The following SUMF1 variants were observed in gnomAD, a reference collection of about 807,000 sequenced individuals.
SUMF1 encodes the protein formylglycine-generating enzyme.
In SUMF1, 48 loss-of-function variants were observed where a neutral mutation model predicts 47.6. The observed-to-expected ratio is 1.01, with a 90% confidence interval of 0.80 to 1.28. The LOEUF (loss-of-function observed/expected upper bound fraction) is 1.28. Ranked by LOEUF, SUMF1 falls within the 50% of genes most tolerant of loss-of-function variation. The pLI is 0.00. For missense variants in SUMF1, 571 were observed against 485.4 expected (o/e 1.18, Z -1.66); for synonymous variants, 230 against 192.1 (o/e 1.20, Z -1.63).
chr3:4,409,334 C>A (rs545088766), intron 7 of SUMF1, among the ~76,000 whole-genome samples: 1 of 152,268 alleles, frequency 6.6e-6, no homozygotes, highest in East Asian at 1.9e-4. Flanking sequence ...AAAGAGAAAC[C>A]TAAAATGAGA....
intron 8 of SUMF1, among the ~76,000 whole-genome samples, chr3:4,291,424 C>T (rs1039595744): frequency 2.0e-5 from 3 of 152,118 alleles, no homozygotes; most frequent in African/African-American, 7.2e-5. Context: ...TCCATTTTTA[C>T]TCACTCTAAA....
intron 8 of SUMF1, among the ~76,000 whole-genome samples, chr3:4,119,054 C>A (rs143491031): frequency 6.6e-6 from 1 of 152,044 alleles, no homozygotes; most frequent in Non-Finnish European, 1.5e-5. Flanking sequence ...TTTTCCTCCA[C>A]TCCCCAAACC....
chr3:4,212,892 C>A (rs139738029), intron 8 of SUMF1, among the ~76,000 whole-genome samples: 4,090 of 152,174 alleles, frequency 0.027, 92 homozygotes, highest in Non-Finnish European at 0.044. Flanking sequence ...AACAAAGCCT[C>A]CAAGAAATAT....
At chr3:4,195,827 C>A (rs1323877784) in intron 8 of SUMF1, among the ~76,000 whole-genome samples, 1 of 151,680 alleles carries the variant, frequency 6.6e-6, no homozygotes, top group East Asian at 1.9e-4. Context: ...AAGAAATAAA[C>A]TAAGAATCCT....
At chr3:4,456,817 T>TATATATAC in intron 1 of SUMF1, among the ~76,000 whole-genome samples, 1 of 146,512 alleles carries the variant, frequency 6.8e-6, no homozygotes, top group African/African-American at 2.5e-5. Flanking sequence ...TATATACGTG[T>TATATATAC]GTGTGTATAT....
chr3:4,218,990 C>A (rs959864078), intron 8 of SUMF1, among the ~76,000 whole-genome samples: 11 of 152,102 alleles, frequency 7.2e-5, no homozygotes, highest in Non-Finnish European at 1.6e-4. Context: ...CCAAGCTACC[C>A]AAATCCACTG....
At chr3:4,233,418 T>C (rs1000472392) in intron 8 of SUMF1, among the ~76,000 whole-genome samples, 32 of 152,248 alleles carry the variant, frequency 2.1e-4, no homozygotes, top group African/African-American at 6.7e-4. Context: ...TCATTTTTAA[T>C]ATAAATTTCT....
chr3:4,084,681 T>A (rs1480974996), intron 8 of SUMF1, among the ~76,000 whole-genome samples: 1 of 152,144 alleles, frequency 6.6e-6, no homozygotes, highest in Non-Finnish European at 1.5e-5. Context: ...CTCTTGAGTT[T>A]ATTAGCAATA....
At chr3:4,172,701 T>G (rs201003267) in intron 8 of SUMF1, among the ~76,000 whole-genome samples, 5 of 148,918 alleles carry the variant, frequency 3.4e-5, no homozygotes, top group South Asian at 2.2e-4. Context: ...TTGTTTTTTT[T>G]GTTTTTTGGG....
rs889027677 is a variant in SUMF1, at chr3:4,124,684, T to C, written c.1015-55939A>G. On this transcript the variant is annotated intron_variant and NMD_transcript_variant, in intron 8 of 12. Coordinates refer to the SUMF1 transcript ENST00000448413. ...CACACATTTACTATTTGGAAGCTAA[T>C]GTTAATTATCTTTGGCTTTCATGAC... Among the ~76,000 whole-genome samples the C allele has an allele frequency of 3.2e-4, 48 of 152,114 alleles. 1 individual carries two copies. The highest frequency in any genetic ancestry group is 1.2e-3 in the African/African-American group (48 of 41,424).
At chr3:4,316,965 C>G in intron 8 of SUMF1, 1 of 1,549,444 alleles carries the variant, frequency 6.5e-7, no homozygotes, top group Non-Finnish European at 8.7e-7. Context: ...CAATGCCCGA[C>G]CGCATGTTGC....
intron 7 of SUMF1, among the ~76,000 whole-genome samples, chr3:4,394,896 C>A (rs1297751042): frequency 6.6e-6 from 1 of 152,176 alleles, no homozygotes; most frequent in Non-Finnish European, 1.5e-5. Flanking sequence ...AGCCTCTGCA[C>A]ATCTTCCTCC....
intron 8 of SUMF1, among the ~76,000 whole-genome samples, chr3:4,334,348 G>C (rs1266540905): frequency 6.6e-6 from 1 of 152,136 alleles, no homozygotes; most frequent in Admixed American, 6.6e-5. Context: ...ATCTTCCCCA[G>C]TGTTTCAACC....
At chr3:4,462,290 T>G (rs1178131636) in intron 1 of SUMF1, among the ~76,000 whole-genome samples, 1 of 152,186 alleles carries the variant, frequency 6.6e-6, no homozygotes, top group Non-Finnish European at 1.5e-5. Context: ...AGTTCATCTT[T>G]GAACTTTTGC....
At chr3:4,285,848 A>C (rs1012945825) in intron 8 of SUMF1, among the ~76,000 whole-genome samples, 5 of 152,146 alleles carry the variant, frequency 3.3e-5, no homozygotes, top group African/African-American at 1.2e-4. Flanking sequence ...ATGGATAAAC[A>C]CTATAATAGC....
chr3:4,221,615 T>C (rs1481560007), intron 8 of SUMF1, among the ~76,000 whole-genome samples: 1 of 152,092 alleles, frequency 6.6e-6, no homozygotes, highest in Admixed American at 6.6e-5. Flanking sequence ...CATTCACTCA[T>C]TCAGTTATTT....
chr3:4,451,996 T>C (rs1480617897), intron 2 of SUMF1, among the ~76,000 whole-genome samples: 2 of 152,168 alleles, frequency 1.3e-5, no homozygotes, highest in Non-Finnish European at 2.9e-5. Context: ...AAAAGGTTTC[T>C]AACCACTTTA....
intron 8 of SUMF1, among the ~76,000 whole-genome samples, chr3:4,100,694 T>C (rs1454109203): frequency 6.6e-6 from 1 of 151,624 alleles, no homozygotes; most frequent in Admixed American, 6.6e-5. Context: ...CTAAAAAAAA[T>C]GATTAATAGA....
intron 8 of SUMF1, among the ~76,000 whole-genome samples, chr3:4,262,883 G>A (rs1341385273): frequency 3.3e-5 from 5 of 152,226 alleles, no homozygotes; most frequent in East Asian, 3.9e-4. Flanking sequence ...AAAGTGCTAC[G>A]TAAAGAAGAA....
Sources: allele counts gnomAD v4.1 joint callset (sites outside exome capture counted in the v4.1 genomes callset), GRCh38; gene constraint gnomAD v4.1.1; transcripts MANE v1.5; gene names NCBI Gene and HGNC (gene_info 2026-07-23, HGNC 2026-07-21).